SGIP1: variants seen among roughly 807,000 people sequenced by gnomAD.
SGIP1 encodes SH3GL interacting endocytic adaptor 1.
SGIP1 carries 38 observed loss-of-function variants against 107.5 expected under a neutral mutation model. The ratio of observed to expected loss-of-function variants is 0.35; its 90% CI spans 0.27 to 0.46. The LOEUF (loss-of-function observed/expected upper bound fraction) is 0.46, where lower values mean the gene tolerates loss of function less well. SGIP1 is among the 20% of genes least tolerant of loss of function. The probability of loss-of-function intolerance (pLI) is 1.00; values close to 1 mark genes in which losing one functional copy is unlikely to be tolerated. For synonymous variants in SGIP1, 365 were observed against 366.1 expected (o/e 1.00, Z 0.03); for missense variants, 929 against 1,019.5 (o/e 0.91, Z 1.21).
chr1:66,719,000 G>A (rs2150426608), intron 18 of SGIP1, among the ~76,000 whole-genome samples: 1 of 152,166 alleles, frequency 6.6e-6, no homozygotes, highest in African/African-American at 2.4e-5. Flanking sequence ...ACTGCCTTAT[G>A]TTTTATGAGA....
At chr1:66,718,631 T>C (rs1429252040) in intron 18 of SGIP1, among the ~76,000 whole-genome samples, 1 of 152,108 alleles carries the variant, frequency 6.6e-6, no homozygotes, top group Non-Finnish European at 1.5e-5. Flanking sequence ...AGACATGCCT[T>C]GCCCATGTCT....
intron 1 of SGIP1, among the ~76,000 whole-genome samples, chr1:66,595,657 G>A (rs1221489657): frequency 6.6e-6 from 1 of 152,020 alleles, no homozygotes; most frequent in Non-Finnish European, 1.5e-5. Context: ...TAGCTTTTCT[G>A]ACCTTTTCAT....
intron 7 of SGIP1, among the ~76,000 whole-genome samples, chr1:66,645,791 T>C (rs918574545): frequency 1.7e-4 from 26 of 152,178 alleles, no homozygotes; most frequent in African/African-American, 6.3e-4. Flanking sequence ...ATCTTTGCCC[T>C]CTCCTTGATA....
intron 1 of SGIP1, among the ~76,000 whole-genome samples, chr1:66,591,079 C>T (rs1048271458): frequency 6.6e-6 from 1 of 152,154 alleles, no homozygotes; most frequent in Non-Finnish European, 1.5e-5. Context: ...AACTTGACAT[C>T]GTCTGTGTTC....
At chr1:66,662,663 A>G (rs540105804) in intron 8 of SGIP1, among the ~76,000 whole-genome samples, 1 of 152,336 alleles carries the variant, frequency 6.6e-6, no homozygotes, top group South Asian at 2.1e-4. Flanking sequence ...TGACAAAATC[A>G]TAGATTAGCA....
chr1:66,660,856 CAT>C (rs1430945095), intron 8 of SGIP1, among the ~76,000 whole-genome samples: 1 of 152,194 alleles, frequency 6.6e-6, no homozygotes, highest in African/African-American at 2.4e-5. Context: ...GCTACTTATA[CAT>C]ATCATGAGCT....
intron 7 of SGIP1, among the ~76,000 whole-genome samples, chr1:66,645,128 T>G (rs1432162795): frequency 6.6e-6 from 1 of 152,224 alleles, no homozygotes; most frequent in South Asian, 2.1e-4. Context: ...TTCTCTGAGT[T>G]TGTTCTCTGT....
chr1:66,537,705 C>T (rs1353631211), intron 1 of SGIP1, among the ~76,000 whole-genome samples: 3 of 151,990 alleles, frequency 2.0e-5, no homozygotes, highest in Non-Finnish European at 2.9e-5. Flanking sequence ...GGTTTAATTA[C>T]AATATTCAGG....
chr1:66,732,475 TC>T (rs2094057983), intron 20 of SGIP1, among the ~76,000 whole-genome samples: 1 of 152,138 alleles, frequency 6.6e-6, no homozygotes, highest in Non-Finnish European at 1.5e-5. Context: ...TCCACCCCCT[TC>T]CTCCATTTCC....
chr1:66,588,422 A>C (rs1431266083), intron 1 of SGIP1, among the ~76,000 whole-genome samples: 1 of 152,158 alleles, frequency 6.6e-6, no homozygotes, highest in Admixed American at 6.6e-5. Flanking sequence ...GGACTGTGGA[A>C]GAAAAGTAGA....
At chr1:66,693,060 G>GT (rs934226412) in intron 17 of SGIP1, among the ~76,000 whole-genome samples, 3 of 147,276 alleles carry the variant, frequency 2.0e-5, no homozygotes, top group African/African-American at 8.1e-5. Context: ...AAGATAAAAT[G>GT]TTTTTTTATT....
chr1:66,575,367 AT>A (rs1271424752), intron 1 of SGIP1, among the ~76,000 whole-genome samples: 1 of 152,060 alleles, frequency 6.6e-6, no homozygotes, highest in Non-Finnish European at 1.5e-5. Flanking sequence ...TCACTCTTAA[AT>A]TTACTTGGCC....
At position 66,704,349 on chromosome 1, in the gene SGIP1, T is replaced by A. The variant is rs542187142; in HGVS notation, c.1630+8856T>A. 2.6e-5 allele frequency: 4 copies of A among 152,254 alleles called. No homozygotes were observed. In the South Asian group the frequency reaches 8.3e-4, roughly 32 times the overall value. 9.4% of individuals were successfully genotyped at this position (152,254 alleles called of 1,614,324 possible). A position where few individuals can be genotyped will look rare whatever the true frequency, so the allele number is the denominator to read the frequency against. On this transcript the variant is annotated intron_variant, in intron 18 of 24. Transcript: ENST00000371037. Reference sequence around the variant, plus strand: ...TGGAAGCATCATGCCACTGCGTTGCTGTACACCCTTTGCCTCTACCAGAGC... The same window carrying A: ...TGGAAGCATCATGCCACTGCGTTGCAGTACACCCTTTGCCTCTACCAGAGC...
intron 7 of SGIP1, among the ~76,000 whole-genome samples, chr1:66,646,601 A>G (rs918399819): frequency 1.3e-5 from 2 of 152,206 alleles, no homozygotes; most frequent in African/African-American, 4.8e-5. Context: ...TTATACTTGA[A>G]TAGTTTCGCT....
chr1:66,591,552 A>G (rs931331367), intron 1 of SGIP1, among the ~76,000 whole-genome samples: 3 of 152,122 alleles, frequency 2.0e-5, no homozygotes, highest in African/African-American at 7.2e-5. Context: ...CATTATCAAC[A>G]TCCCCCATTA....
chr1:66,572,913 G>C (rs1442880872), intron 1 of SGIP1, among the ~76,000 whole-genome samples: 1 of 152,058 alleles, frequency 6.6e-6, no homozygotes, highest in African/African-American at 2.4e-5. Context: ...TATTATAACA[G>C]GGTAAGCCTT....
chr1:66,737,718 TC>T (rs1442452648), intron 21 of SGIP1, among the ~76,000 whole-genome samples: 2 of 152,210 alleles, frequency 1.3e-5, no homozygotes, highest in African/African-American at 2.4e-5. Context: ...CCTAATATAT[TC>T]CAAAGTACTT....
At chr1:66,733,692 A>G in intron 20 of SGIP1, 56 bp from the exon 21 acceptor site, 1 of 1,570,876 alleles carries the variant, frequency 6.4e-7, no homozygotes, top group Non-Finnish European at 8.7e-7. Context: ...TGCTTCGTGT[A>G]GGGTTTATAT....
intron 1 of SGIP1, among the ~76,000 whole-genome samples, chr1:66,578,416 G>A (rs1008353816): frequency 6.6e-6 from 1 of 152,190 alleles, no homozygotes; most frequent in African/African-American, 2.4e-5. Context: ...TCACAAGCTT[G>A]AATTATGTTA....
Sources: allele counts gnomAD v4.1 joint callset (sites outside exome capture counted in the v4.1 genomes callset), GRCh38; gene constraint gnomAD v4.1.1; transcripts MANE v1.5; gene names NCBI Gene and HGNC (gene_info 2026-07-23, HGNC 2026-07-21).